The following MAX variants were observed in gnomAD, a reference collection of about 807,000 sequenced individuals.
The protein encoded by MAX is MYC associated transcriptional regulator X.
In MAX, 3 loss-of-function variants were observed where a neutral mutation model predicts 22.3. The ratio of observed to expected loss-of-function variants is 0.13; its 90% CI spans 0.06 to 0.35. The LOEUF is 0.35. Among genes scored for constraint, MAX ranks in the 10% least tolerant of loss-of-function variants. MAX has a pLI of 1.00. For missense variants in MAX, 119 were observed against 209.4 expected, an observed-to-expected ratio of 0.57 and a Z score of 2.66; for synonymous variants, 72 against 77.7, an observed-to-expected ratio of 0.93 and a Z score of 0.39.
At position 65,062,838 on chromosome 14, in the gene MAX, C is replaced by G. The variant is rs1423946031; in HGVS notation, c.171+30870G>C. The stretch of plus-strand genomic sequence containing the variant: ...CCAGTAGAGGAAGCCGTGGGCCTAA[C>G]AGAGAGTGGGAAGAGATGTTTTCCA... On this transcript the variant is annotated intron_variant, in intron 3 of 3. Coordinates refer to the MAX transcript ENST00000341653. The surrounding 1 kb of genome is among the most constrained non-coding windows in gnomAD (Gnocchi z 4.3). 6.6e-6 allele frequency among the ~76,000 whole-genome samples: 1 copy of G among 152,204 alleles called. No homozygotes were observed. The highest frequency in any genetic ancestry group is 2.4e-5 in the African/African-American group (1 of 41,452).
In MAX at chr14:65,027,323, G is replaced by A; in HGVS notation, c.172-21039C>T. On this transcript the variant is annotated intron_variant, in intron 3 of 3. Coordinates refer to the MAX transcript ENST00000341653. This position sits in a 1 kb window ranked among gnomAD's most constrained non-coding sequence, Gnocchi z 5.7. ...TGGGGAGAGGTTATATTCAACAAGT[G>A]GGAGGAGAGGTTCCCCTCAACTTTT... 7.1e-7 allele frequency: 1 copy of A among 1,402,626 alleles called. No homozygotes were observed. Among genetic ancestry groups the A allele is most frequent in the Non-Finnish European group, 9.7e-7 (1 of 1,028,382 alleles). The allele number at this position is 1,402,626 out of a possible 1,614,324, so 86.9% of individuals were successfully genotyped here.
chr14:65,040,390 A>G (rs1450858099), intron 3 of MAX, among the ~76,000 whole-genome samples: 1 of 151,444 alleles, frequency 6.6e-6, no homozygotes, highest in Non-Finnish European at 1.5e-5. Flanking sequence ...TGTTTCTTAC[A>G]CAAGTAGGCT....
intron 2 of MAX, 78 bp downstream of exon 2, chr14:65,101,468 G>T (rs969962774): frequency 3.2e-6 from 4 of 1,251,148 alleles, no homozygotes; most frequent in African/African-American, 1.5e-5. Flanking sequence ...GTAATAGTAC[G>T]ATCTCTTTTT....
Position 65,012,526 on chromosome 14 carries a change from T to A in MAX, c.172-6242A>T. 1 of 1,210,124 alleles carries A rather than the reference T, an allele frequency of 8.3e-7. No homozygotes were observed. Among genetic ancestry groups the A allele is most frequent in the South Asian group, 1.4e-5 (1 of 70,340 alleles). 75.0% of individuals were successfully genotyped at this position (1,210,124 alleles called of 1,614,324 possible). A position where few individuals can be genotyped will look rare whatever the true frequency, so the allele number is the denominator to read the frequency against. ...TGTTCTCTGTGGCTCTGGCAGGAGGTAGGGTGCTGTCACAGAGCTGGGACT... is the reference window on the plus strand; with the variant it reads ...TGTTCTCTGTGGCTCTGGCAGGAGGAAGGGTGCTGTCACAGAGCTGGGACT... On this transcript the variant is annotated intron_variant, in intron 3 of 3. Coordinates refer to the MAX transcript ENST00000341653. The surrounding 1 kb of genome is among the most constrained non-coding windows in gnomAD (Gnocchi z 5.0).
At chr14:65,022,142 A>G (rs190128092) in intron 3 of MAX, 18 of 450,222 alleles carry the variant, frequency 4.0e-5, no homozygotes, top group Middle Eastern at 3.4e-4. Flanking sequence ...CCTCTTCACT[A>G]TATCAAGCTG....
chr14:65,077,900 C>T lies in MAX; in HGVS notation c.295+13G>A, dbSNP rs773762211. 1 of 1,614,226 alleles carries T rather than the reference C, an allele frequency of 6.2e-7. No homozygotes were observed. Among genetic ancestry groups the T allele is most frequent in the South Asian group, 1.1e-5 (1 of 91,086 alleles). On this transcript the variant is annotated intron_variant, in intron 4 of 4. Coordinates refer to ENST00000358664, the MANE Select transcript of MAX (RefSeq NM_002382.5). This position sits in a 1 kb window ranked among gnomAD's most constrained non-coding sequence, Gnocchi z 6.3. ...ACAGCAGGGCCAGCTGCCCCACGAG[C>T]TCGGGTGCTCACCTTGCTGCTCCAG... is the stretch of plus-strand genomic sequence containing the variant.
Position 65,077,717 on chromosome 14 carries a change from C to G in MAX, c.295+196G>C. The G allele has an allele frequency of 6.3e-7, 1 of 1,586,194 alleles. No homozygotes were observed. ...CAGATGTCCAACTTCCTAGCTTCCA[C>G]TGTCTCCTCACTGGCGCCTCAGGTC... On this transcript the variant is annotated intron_variant, in intron 4 of 4. Coordinates refer to ENST00000358664, the MANE Select transcript of MAX (RefSeq NM_002382.5). This position sits in a 1 kb window ranked among gnomAD's most constrained non-coding sequence, Gnocchi z 6.3.
rs1483373572 is a variant in MAX, at chr14:65,084,664, A to G, written c.172-6628T>C. ...TATAAATTTTAAATTTTAAAAATTG[A>G]ATGCAACCCCAATTGCCCAAAAGAA... On this transcript the variant is annotated intron_variant, in intron 3 of 4. Transcript: ENST00000358664. The surrounding 1 kb of genome is among the most constrained non-coding windows in gnomAD (Gnocchi z 4.3). 2.6e-5 allele frequency among the ~76,000 whole-genome samples: 4 copies of G among 152,210 alleles called. No homozygotes were observed. Among genetic ancestry groups the G allele is most frequent in the African/African-American group, 9.6e-5 (4 of 41,454 alleles).
intron 3 of MAX, among the ~76,000 whole-genome samples, chr14:65,017,184 A>C (rs547102972): frequency 6.6e-6 from 1 of 152,088 alleles, no homozygotes; most frequent in South Asian, 2.1e-4. Context: ...CGGCCTCCCA[A>C]AGTGCTGGGA....
At chr14:65,046,248 T>G (rs1212499186) in intron 3 of MAX, among the ~76,000 whole-genome samples, 1 of 152,194 alleles carries the variant, frequency 6.6e-6, no homozygotes, top group Non-Finnish European at 1.5e-5. Flanking sequence ...AGTGCTGGGA[T>G]TACAGGCGTG....
At chr14:65,048,673 T>C (rs760453548) in intron 3 of MAX, among the ~76,000 whole-genome samples, 1 of 152,110 alleles carries the variant, frequency 6.6e-6, no homozygotes, top group Non-Finnish European at 1.5e-5. Flanking sequence ...GGCAATATAG[T>C]GAGAGCTTGT....
chr14:65,054,473 G>T lies in MAX; in HGVS notation c.171+39235C>A. The T allele has an allele frequency of 1.7e-6, 2 of 1,175,982 alleles. No homozygotes were observed. Among genetic ancestry groups the T allele is most frequent in the Non-Finnish European group, 2.4e-6 (2 of 825,412 alleles). The allele number at this position is 1,175,982 out of a possible 1,614,324, so 72.8% of individuals were successfully genotyped here. A position where few individuals can be genotyped will look rare whatever the true frequency, so the allele number is the denominator to read the frequency against. On this transcript the variant is annotated intron_variant, in intron 3 of 3. Coordinates refer to the MAX transcript ENST00000341653. The surrounding 1 kb of genome is among the most constrained non-coding windows in gnomAD (Gnocchi z 4.4). ...TCCTCTAGCCACATGGAGGATGGGG[G>T]GGGACGTGTGATTGCACCAGTGGTC...
intron 3 of MAX, among the ~76,000 whole-genome samples, chr14:65,042,825 C>T (rs2062382555): frequency 6.6e-6 from 1 of 152,240 alleles, no homozygotes. Context: ...CGCCTGCTTT[C>T]TCTCTGCCTG....
intron 2 of MAX, among the ~76,000 whole-genome samples, chr14:65,100,478 A>G (rs1478550473): frequency 6.6e-6 from 1 of 152,146 alleles, no homozygotes; most frequent in African/African-American, 2.4e-5. Context: ...AAAATTAAAA[A>G]TAGGAAGATC....
chr14:65,049,040 T>C lies in MAX; in HGVS notation c.172-42756A>G, dbSNP rs553137322. Among the ~76,000 whole-genome samples, 140 of 150,786 alleles carry C rather than the reference T, an allele frequency of 9.3e-4. 7 individuals are homozygous for C. The South Asian group carries it at 0.024, about 26-fold the overall frequency. On this transcript the variant is annotated intron_variant, in intron 3 of 3. Coordinates refer to the MAX transcript ENST00000341653. ...TACTCAGGAGGCTGAGGCAGGAGAA[T>C]CCCTTGAACCCCGGAGGCGGAGGTT...
intron 3 of MAX, among the ~76,000 whole-genome samples, chr14:65,018,166 A>G (rs1324460285): frequency 2.0e-5 from 3 of 151,412 alleles, no homozygotes; most frequent in Admixed American, 6.6e-5. Flanking sequence ...ACATAGTGAG[A>G]CTCCATTTCA....
rs756207758 is a variant in MAX at position 65,030,365 on chromosome 14, A to G, written c.172-24081T>C. Among the ~76,000 whole-genome samples, 1 of 152,232 alleles carries G rather than the reference A, an allele frequency of 6.6e-6. No individual in the cohort carries two copies. Among genetic ancestry groups the G allele is most frequent in the Non-Finnish European group, 1.5e-5 (1 of 68,048 alleles). ...GGCTGCTAAAAATGCTGGTAGGATC[A>G]TAATGCATGCAGCTTCTGCAGAGAC... On this transcript the variant is annotated intron_variant, in intron 3 of 3. Coordinates refer to the MAX transcript ENST00000341653. This position sits in a 1 kb window ranked among gnomAD's most constrained non-coding sequence, Gnocchi z 4.5.
intron 3 of MAX, among the ~76,000 whole-genome samples, chr14:65,026,940 A>G (rs968226469): frequency 4.6e-5 from 7 of 152,082 alleles, no homozygotes; most frequent in East Asian, 1.9e-4. Context: ...TTAGGTGGCA[A>G]TGGGAGTGAG....
intron 2 of MAX, among the ~76,000 whole-genome samples, chr14:65,099,149 GA>G (rs1263528924): frequency 1.3e-5 from 2 of 151,814 alleles, no homozygotes; most frequent in African/African-American, 2.4e-5. Flanking sequence ...TCACAGAGGG[GA>G]AAAAATGGAA....
Sources: allele counts gnomAD v4.1 joint callset (sites outside exome capture counted in the v4.1 genomes callset), GRCh38; gene constraint gnomAD v4.1.1; non-coding constraint Gnocchi (gnomAD v3.1); transcripts MANE v1.5; gene names NCBI Gene and HGNC (gene_info 2026-07-23, HGNC 2026-07-21).